PEX14: variants seen among roughly 807,000 people sequenced by gnomAD.
PEX14 encodes peroxisomal membrane protein PEX14.
Under a neutral mutation model 49.5 loss-of-function variants are expected in PEX14, and 15 were observed. The ratio of observed to expected loss-of-function variants is 0.30; its 90% CI spans 0.20 to 0.47. The LOEUF (loss-of-function observed/expected upper bound fraction) is 0.47, where lower values mean the gene tolerates loss of function less well. Ranked by LOEUF, PEX14 falls within the 20% of genes least tolerant of loss-of-function variation. PEX14 has a pLI of 1.00. For missense variants in PEX14, 398 were observed against 494.8 expected, an observed-to-expected ratio of 0.80 and a Z score of 1.86; for synonymous variants, 210 against 212.7, an observed-to-expected ratio of 0.99 and a Z score of 0.11.
chr1:10,530,707 G>A (rs1638625544), intron 2 of PEX14, among the ~76,000 whole-genome samples: 1 of 152,238 alleles, frequency 6.6e-6, no homozygotes, highest in Non-Finnish European at 1.5e-5. Context: ...CTGAGTTGCA[G>A]TCACACTCTG....
At chr1:10,571,277 T>C (rs1237237304) in intron 3 of PEX14, among the ~76,000 whole-genome samples, 1 of 151,610 alleles carries the variant, frequency 6.6e-6, no homozygotes, top group Non-Finnish European at 1.5e-5. Flanking sequence ...TTCTGGATGG[T>C]GGAAATGTGT....
rs1171323026 is a variant in PEX14, at chr1:10,623,017, A to G, written c.385-2A>G. The G allele has an allele frequency of 6.2e-7, 1 of 1,610,058 alleles. No individual in the cohort carries two copies. The highest frequency in any genetic ancestry group is 1.3e-5 in the African/African-American group (1 of 74,876). ...TTCCTCACCCTGTCCCGCTTCTTGC[A>G]GAAATACCTGCTCCCCCTCATCCTG... On this transcript the variant is annotated splice_acceptor_variant, in intron 5 of 8. Transcript: ENST00000356607. LOFTEE classifies it high-confidence loss of function. This position sits in a 1 kb window ranked among gnomAD's most constrained non-coding sequence, Gnocchi z 4.4.
chr1:10,556,340 TGAG>T (rs1639488771), intron 3 of PEX14, among the ~76,000 whole-genome samples: 1 of 152,186 alleles, frequency 6.6e-6, no homozygotes, highest in Admixed American at 6.5e-5. Context: ...GTGGGGCTGA[TGAG>T]GATCCATGCA....
At chr1:10,583,560 A>G (rs1268819712) in intron 3 of PEX14, among the ~76,000 whole-genome samples, 3 of 152,062 alleles carry the variant, frequency 2.0e-5, no homozygotes, top group African/African-American at 7.2e-5. Context: ...AGGTGCCAGT[A>G]GAACCTAGGT....
chr1:10,495,518 C>T lies in PEX14; in HGVS notation c.84+197C>T, dbSNP rs775340057. Among the ~76,000 whole-genome samples, 2 of 152,142 alleles carry T rather than the reference C, an allele frequency of 1.3e-5. No homozygotes were observed. Among genetic ancestry groups the T allele is most frequent in the Non-Finnish European group, 2.9e-5 (2 of 68,028 alleles). On this transcript the variant is annotated intron_variant, in intron 2 of 8. Coordinates refer to ENST00000356607, the MANE Select transcript of PEX14 (RefSeq NM_004565.3). The surrounding 1 kb of genome is among the most constrained non-coding windows in gnomAD (Gnocchi z 4.2). ...GAGTGAGATCTCTCCTTAGTAAAGG[C>T]TGGTCCTTTCTAGGACTAAAAGCAT...
At chr1:10,586,431 A>G (rs760611082) in intron 3 of PEX14, among the ~76,000 whole-genome samples, 1 of 152,062 alleles carries the variant, frequency 6.6e-6, no homozygotes, top group South Asian at 2.1e-4. Flanking sequence ...GAAGATGTGC[A>G]CTCTATAATC....
intron 3 of PEX14, among the ~76,000 whole-genome samples, chr1:10,547,379 G>A (rs1639207299): frequency 6.6e-6 from 1 of 152,110 alleles, no homozygotes; most frequent in South Asian, 2.1e-4. Flanking sequence ...CCTAATTGGT[G>A]GTACCTAATT....
At chr1:10,565,928 C>G (rs1416789361) in intron 3 of PEX14, among the ~76,000 whole-genome samples, 3 of 152,226 alleles carry the variant, frequency 2.0e-5, no homozygotes, top group African/African-American at 7.2e-5. Context: ...TCTCTTAAGC[C>G]CAGGAGTTCT....
chr1:10,565,267 C>A (rs1639770648), intron 3 of PEX14, among the ~76,000 whole-genome samples: 1 of 152,162 alleles, frequency 6.6e-6, no homozygotes, highest in African/African-American at 2.4e-5. Context: ...CTGAAAGATA[C>A]TATTTTCCTC....
intron 1 of PEX14, among the ~76,000 whole-genome samples, chr1:10,490,027 A>C (rs553789010): frequency 6.6e-6 from 1 of 152,324 alleles, no homozygotes; most frequent in African/African-American, 2.4e-5. Flanking sequence ...GTTGACTTTG[A>C]GCAGAGGAGT....
chr1:10,559,219 A>G (rs1047167390), intron 3 of PEX14, among the ~76,000 whole-genome samples: 1 of 152,028 alleles, frequency 6.6e-6, no homozygotes, highest in Admixed American at 6.6e-5. Context: ...AGGTACAATC[A>G]CCCCCTTTTC....
chr1:10,594,447 G>A (rs985356041), intron 3 of PEX14, among the ~76,000 whole-genome samples: 17 of 152,322 alleles, frequency 1.1e-4, no homozygotes, highest in South Asian at 8.3e-4. Context: ...GACTGCCACC[G>A]TTTGTCACTG....
At chr1:10,555,726 G>A (rs1214877955) in intron 3 of PEX14, among the ~76,000 whole-genome samples, 1 of 151,940 alleles carries the variant, frequency 6.6e-6, no homozygotes, top group African/African-American at 2.4e-5. Flanking sequence ...TATCCTGGAG[G>A]TAGATATTTA....
chr1:10,506,947 A>T (rs1336556509), intron 2 of PEX14, among the ~76,000 whole-genome samples: 1 of 152,236 alleles, frequency 6.6e-6, no homozygotes, highest in Non-Finnish European at 1.5e-5. Context: ...TGTTTTCAGT[A>T]TGTGGAGCAG....
At chr1:10,555,956 T>A (rs1436073256) in intron 3 of PEX14, among the ~76,000 whole-genome samples, 2 of 151,812 alleles carry the variant, frequency 1.3e-5, no homozygotes, top group African/African-American at 4.8e-5. Context: ...CGAATGATCC[T>A]GGAGCATGTC....
intron 3 of PEX14, among the ~76,000 whole-genome samples, chr1:10,551,193 A>G (rs1224311597): frequency 6.6e-6 from 1 of 152,218 alleles, no homozygotes; most frequent in African/African-American, 2.4e-5. Flanking sequence ...ATCATTTTTT[A>G]TAGTAAATTG....
At chr1:10,519,348 G>C (rs914125534) in intron 2 of PEX14, among the ~76,000 whole-genome samples, 5 of 152,126 alleles carry the variant, frequency 3.3e-5, no homozygotes, top group Non-Finnish European at 7.3e-5. Context: ...AGTGCTTTGG[G>C]AAAAGCAAAC....
At position 10,623,982 on chromosome 1, in the gene PEX14, C is replaced by T. The variant is rs1299099105; in HGVS notation, c.488-358C>T. Among the ~76,000 whole-genome samples, 2 of 152,112 alleles carry T rather than the reference C, an allele frequency of 1.3e-5. No homozygotes were observed. The highest frequency in any genetic ancestry group is 4.8e-5 in the African/African-American group (2 of 41,416). ...TGCATCTCTCCCAGCATTGGAGACCCCAGGAGTTTCACAAGGACACTGAGG... is the reference window on the plus strand; with the variant it reads ...TGCATCTCTCCCAGCATTGGAGACCTCAGGAGTTTCACAAGGACACTGAGG... On this transcript the variant is annotated intron_variant, in intron 6 of 8. Coordinates refer to ENST00000356607, the MANE Select transcript of PEX14 (RefSeq NM_004565.3). The surrounding 1 kb of genome is among the most constrained non-coding windows in gnomAD (Gnocchi z 4.4).
intron 2 of PEX14, among the ~76,000 whole-genome samples, chr1:10,532,056 T>A (rs544438881): frequency 6.6e-6 from 1 of 152,328 alleles, no homozygotes; most frequent in Admixed American, 6.5e-5. Context: ...AGATAACCCC[T>A]GAGTATACTG....
Sources: allele counts gnomAD v4.1 joint callset (sites outside exome capture counted in the v4.1 genomes callset), GRCh38; gene constraint gnomAD v4.1.1; non-coding constraint Gnocchi (gnomAD v3.1); transcripts MANE v1.5; gene names NCBI Gene and HGNC (gene_info 2026-07-23, HGNC 2026-07-21).